The following MARCHF1 variants were observed in gnomAD, a reference collection of about 807,000 sequenced individuals.
The protein encoded by MARCHF1 is E3 ubiquitin-protein ligase MARCHF1.
In MARCHF1, 40 loss-of-function variants were observed where a neutral mutation model predicts 54.2. The ratio of observed to expected loss-of-function variants is 0.74; its 90% CI spans 0.57 to 0.96. MARCHF1 has a LOEUF of 0.96. MARCHF1 is among the 40% of genes least tolerant of loss of function. MARCHF1 has a pLI of 0.00. For missense variants in MARCHF1, 586 were observed against 656.5 expected, an observed-to-expected ratio of 0.89 and a Z score of 1.17; for synonymous variants, 236 against 236.3, an observed-to-expected ratio of 1.00 and a Z score of 0.01.
intron 3 of MARCHF1, among the ~76,000 whole-genome samples, chr4:163,964,707 C>T (rs756973359): frequency 2.0e-5 from 3 of 151,856 alleles, no homozygotes; most frequent in Non-Finnish European, 4.4e-5. Flanking sequence ...TTTCTATAAC[C>T]CTTTTTCCAT....
intron 3 of MARCHF1, among the ~76,000 whole-genome samples, chr4:163,875,092 C>T (rs962337780): frequency 2.0e-5 from 3 of 151,904 alleles, no homozygotes; most frequent in Non-Finnish European, 4.4e-5. Flanking sequence ...TTCTTTAATT[C>T]TGGTCAGTTA....
chr4:164,343,249 C>A (rs1729979446), intron 1 of MARCHF1, among the ~76,000 whole-genome samples: 1 of 151,972 alleles, frequency 6.6e-6, no homozygotes, highest in African/African-American at 2.4e-5. Flanking sequence ...ACCTTGTACA[C>A]CTTAAATATA....
intron 2 of MARCHF1, among the ~76,000 whole-genome samples, chr4:164,006,107 A>G (rs919102305): frequency 3.9e-5 from 6 of 152,208 alleles, no homozygotes; most frequent in African/African-American, 1.4e-4. Context: ...GACCTCAACA[A>G]AAGGATAAGC....
intron 4 of MARCHF1, among the ~76,000 whole-genome samples, chr4:163,716,423 G>A (rs183850266): frequency 1.3e-5 from 2 of 152,294 alleles, no homozygotes; most frequent in South Asian, 2.1e-4. Context: ...AGGTGTTGAT[G>A]CTAGACAGAA....
At chr4:164,372,808 G>A (rs1731073623) in intron 1 of MARCHF1, among the ~76,000 whole-genome samples, 1 of 151,704 alleles carries the variant, frequency 6.6e-6, no homozygotes, top group Admixed American at 6.6e-5. Flanking sequence ...AAGAGAAAAA[G>A]GAAAAATAAA....
intron 1 of MARCHF1, among the ~76,000 whole-genome samples, chr4:164,247,356 A>G (rs1732980396): frequency 6.7e-6 from 1 of 149,762 alleles, no homozygotes; most frequent in Admixed American, 6.7e-5. Context: ...CTATCACAAG[A>G]ACAAAAAACC....
At chr4:164,025,370 C>A (rs1165670147) in intron 2 of MARCHF1, among the ~76,000 whole-genome samples, 3 of 151,864 alleles carry the variant, frequency 2.0e-5, no homozygotes, top group East Asian at 1.9e-4. Flanking sequence ...TTCAAAAAAA[C>A]AAAATCATAC....
chr4:164,223,330 G>C (rs1376973436), intron 1 of MARCHF1, among the ~76,000 whole-genome samples: 1 of 151,988 alleles, frequency 6.6e-6, no homozygotes, highest in Non-Finnish European at 1.5e-5. Flanking sequence ...AACCAAAATT[G>C]TGAGGGGAGA....
Position 163,648,091 on chromosome 4 carries a change from C to A in MARCHF1, c.163-34698G>T, listed in dbSNP as rs185428261. Among the ~76,000 whole-genome samples the A allele has an allele frequency of 4.8e-3, 726 of 151,888 alleles. 6 individuals carry two copies. The highest frequency in any genetic ancestry group is 0.016 in the African/African-American group (677 of 41,498). ...AGAAAAGTGTTTGATAAGTTTTGAT[C>A]TACAGGAAAGAATATTACCTAATAA... On this transcript the variant is annotated intron_variant, in intron 5 of 9. Transcript: ENST00000514618.
chr4:164,288,877 G>T (rs1312716233), intron 1 of MARCHF1, among the ~76,000 whole-genome samples: 1 of 152,060 alleles, frequency 6.6e-6, no homozygotes, highest in East Asian at 1.9e-4. Flanking sequence ...AGGTATATAC[G>T]TTTAGTTTCT....
chr4:164,198,723 G>A (rs73873820), intron 1 of MARCHF1, among the ~76,000 whole-genome samples: 1,787 of 152,238 alleles, frequency 0.012, 36 homozygotes, highest in African/African-American at 0.042. Context: ...AGCCTTGAGT[G>A]AATAACATTT....
chr4:163,790,996 T>C (rs1397436291), intron 4 of MARCHF1, among the ~76,000 whole-genome samples: 1 of 151,836 alleles, frequency 6.6e-6, no homozygotes, highest in Non-Finnish European at 1.5e-5. Flanking sequence ...GAAAAAAGAG[T>C]AACAAAATGA....
chr4:163,694,170 A>T (rs1353848249), intron 5 of MARCHF1, among the ~76,000 whole-genome samples: 1 of 152,176 alleles, frequency 6.6e-6, no homozygotes, highest in Non-Finnish European at 1.5e-5. Flanking sequence ...CCATGACAGG[A>T]TGAAATGAGT....
chr4:163,825,236 C>T (rs1357695697), intron 4 of MARCHF1, among the ~76,000 whole-genome samples: 1 of 151,942 alleles, frequency 6.6e-6, no homozygotes, highest in Non-Finnish European at 1.5e-5. Flanking sequence ...AGATAACAGC[C>T]TCCAGCTCCA....
intron 4 of MARCHF1, among the ~76,000 whole-genome samples, chr4:163,792,236 G>A (rs955550791): frequency 1.3e-5 from 2 of 152,062 alleles, no homozygotes; most frequent in Non-Finnish European, 2.9e-5. Context: ...TTGTCTTCAC[G>A]TTCTTTTAGT....
In MARCHF1 at chr4:164,078,424, GT is replaced by G. The variant is rs201015289; in HGVS notation, c.-248+33163del. On this transcript the variant is annotated intron_variant, in intron 2 of 9. Transcript: ENST00000514618. ...GATAGCATTAGGAGAAATACCTAAT[GT>G]AGATGACAGGTTGATGGGTACAACA... Among the ~76,000 whole-genome samples, 1,293 of 152,264 alleles carry G rather than the reference GT, an allele frequency of 8.5e-3. 19 individuals carry two copies. Among genetic ancestry groups the G allele is most frequent in the East Asian group, 0.052 (267 of 5,174 alleles).
At chr4:163,574,733 A>G (rs1046283082) in intron 8 of MARCHF1, among the ~76,000 whole-genome samples, 1 of 152,034 alleles carries the variant, frequency 6.6e-6, no homozygotes, top group Non-Finnish European at 1.5e-5. Flanking sequence ...TAGTATAGTT[A>G]GAAGTCAGGT....
chr4:164,325,463 T>C (rs926705759), intron 1 of MARCHF1, among the ~76,000 whole-genome samples: 6 of 152,042 alleles, frequency 3.9e-5, no homozygotes, highest in Admixed American at 1.3e-4. Context: ...CCTAAAAGTA[T>C]TAAGTTGGAA....
intron 1 of MARCHF1, among the ~76,000 whole-genome samples, chr4:164,221,991 A>G (rs552886161): frequency 6.6e-6 from 1 of 151,568 alleles, no homozygotes; most frequent in South Asian, 2.1e-4. Context: ...GTAGTGAAGA[A>G]AAAATTGGAC....
Sources: allele counts gnomAD v4.1 joint callset (sites outside exome capture counted in the v4.1 genomes callset), GRCh38; gene constraint gnomAD v4.1.1; transcripts MANE v1.5; gene names NCBI Gene and HGNC (gene_info 2026-07-23, HGNC 2026-07-21).